AGBL1: variants seen among roughly 807,000 people sequenced by gnomAD.
The protein encoded by AGBL1 is cytosolic carboxypeptidase 4.
In AGBL1, 130 loss-of-function variants were observed where a neutral mutation model predicts 118.9. The observed-to-expected ratio is 1.09, with a 90% CI of 0.95 to 1.26. The LOEUF (loss-of-function observed/expected upper bound fraction) is 1.26, where lower values mean the gene tolerates loss of function less well. Among genes scored for constraint, AGBL1 ranks in the 50% most tolerant of loss-of-function variants. The pLI is 0.00. For missense variants in AGBL1, 1,584 were observed against 1,298.1 expected (o/e 1.22, Z -3.38); for synonymous variants, 555 against 478.9 (o/e 1.16, Z -2.08).
intron 18 of AGBL1, among the ~76,000 whole-genome samples, chr15:86,419,893 G>A (rs916783220): frequency 6.6e-6 from 1 of 152,180 alleles, no homozygotes; most frequent in Non-Finnish European, 1.5e-5. Context: ...CAAAGCTGCT[G>A]TAGCCAGACT....
At chr15:86,203,816 G>A (rs2077946182) in intron 5 of AGBL1, among the ~76,000 whole-genome samples, 1 of 152,068 alleles carries the variant, frequency 6.6e-6, no homozygotes, top group African/African-American at 2.4e-5. Flanking sequence ...ATGAATTTAT[G>A]TTACTATTTT....
At chr15:87,017,216 A>T (rs1033049888) in intron 24 of AGBL1, among the ~76,000 whole-genome samples, 3 of 151,816 alleles carry the variant, frequency 2.0e-5, no homozygotes, top group Admixed American at 2.0e-4. Context: ...CCAACTCTGG[A>T]GAGTCTGGAC....
chr15:86,670,561 G>T (rs1248145892), intron 21 of AGBL1, among the ~76,000 whole-genome samples: 1 of 150,192 alleles, frequency 6.7e-6, no homozygotes, highest in Non-Finnish European at 1.5e-5. Context: ...CTGAGATCGT[G>T]CCACTGCACT....
At chr15:86,474,877 C>A (rs749725752) in intron 18 of AGBL1, among the ~76,000 whole-genome samples, 4 of 152,186 alleles carry the variant, frequency 2.6e-5, no homozygotes, top group Non-Finnish European at 4.4e-5. Flanking sequence ...TGAGACGAAG[C>A]TTTCAGAGGA....
intron 1 of AGBL1, among the ~76,000 whole-genome samples, chr15:86,122,735 C>G (rs922706738): frequency 6.6e-6 from 1 of 152,218 alleles, no homozygotes; most frequent in Non-Finnish European, 1.5e-5. Context: ...CCTTAACCAA[C>G]TGAGTGGACC....
intron 21 of AGBL1, among the ~76,000 whole-genome samples, chr15:86,571,313 C>T (rs555743975): frequency 6.0e-4 from 92 of 152,264 alleles, no homozygotes; most frequent in Admixed American, 3.3e-4. Flanking sequence ...ATCTTTCAGC[C>T]TCACCATTCA....
intron 5 of AGBL1, among the ~76,000 whole-genome samples, chr15:86,167,197 C>T (rs2077353548): frequency 1.3e-5 from 2 of 151,276 alleles, no homozygotes; most frequent in Admixed American, 1.3e-4. Context: ...AGGAGGGACT[C>T]TTGTGGTTTC....
At chr15:86,871,469 T>G (rs1326465613) in intron 22 of AGBL1, among the ~76,000 whole-genome samples, 1 of 152,124 alleles carries the variant, frequency 6.6e-6, no homozygotes, top group Non-Finnish European at 1.5e-5. Flanking sequence ...AGAATCCCCT[T>G]CCCTCATTCT....
intron 22 of AGBL1, among the ~76,000 whole-genome samples, chr15:86,825,134 A>G (rs1181411102): frequency 1.3e-5 from 2 of 152,018 alleles, no homozygotes; most frequent in Non-Finnish European, 2.9e-5. Context: ...AATATATTCA[A>G]AAGTTGCAAA....
chr15:86,191,016 G>A (rs1455709474), intron 5 of AGBL1, among the ~76,000 whole-genome samples: 1 of 152,040 alleles, frequency 6.6e-6, no homozygotes, highest in Non-Finnish European at 1.5e-5. Flanking sequence ...ACAACAGAAT[G>A]AGCTGGTAAG....
intron 5 of AGBL1, among the ~76,000 whole-genome samples, chr15:86,170,795 G>A (rs1398307748): frequency 1.3e-5 from 2 of 151,046 alleles, no homozygotes; most frequent in East Asian, 1.9e-4. Context: ...GCAGTGAGCC[G>A]AGATCACACC....
At chr15:86,790,047 T>C (rs2078469504) in intron 22 of AGBL1, among the ~76,000 whole-genome samples, 1 of 152,172 alleles carries the variant, frequency 6.6e-6, no homozygotes, top group Admixed American at 6.5e-5. Flanking sequence ...TTGTTGTTAT[T>C]TGTAACATGA....
At chr15:86,479,231 T>G (rs1407201990) in intron 18 of AGBL1, among the ~76,000 whole-genome samples, 1 of 151,976 alleles carries the variant, frequency 6.6e-6, no homozygotes, top group Non-Finnish European at 1.5e-5. Flanking sequence ...AATTGACAAA[T>G]GAGATCTAAT....
At chr15:86,485,849 C>G (rs1179636740) in intron 18 of AGBL1, among the ~76,000 whole-genome samples, 2 of 152,122 alleles carry the variant, frequency 1.3e-5, no homozygotes, top group South Asian at 2.1e-4. Context: ...TTGACAAATC[C>G]TGGTCCAAAG....
At chr15:86,209,941 A>T (rs1331886263) in intron 5 of AGBL1, among the ~76,000 whole-genome samples, 1 of 152,178 alleles carries the variant, frequency 6.6e-6, no homozygotes, top group Non-Finnish European at 1.5e-5. Context: ...ATGTTTTTGC[A>T]GTGGCTGGAA....
intron 23 of AGBL1, among the ~76,000 whole-genome samples, chr15:86,924,269 T>A (rs899892986): frequency 2.6e-5 from 4 of 152,228 alleles, no homozygotes; most frequent in Non-Finnish European, 5.9e-5. Context: ...ATTGTGATCC[T>A]AATGGTACAA....
chr15:87,028,437 T>G (rs2081755700), intron 24 of AGBL1, among the ~76,000 whole-genome samples: 2 of 151,966 alleles, frequency 1.3e-5, no homozygotes, highest in Non-Finnish European at 2.9e-5. Context: ...TAAAGATTAA[T>G]TTCATGTGTA....
rs752300601 is a variant in AGBL1, at chr15:86,264,421, G to T, written c.1250G>T (p.Cys417Phe). The change falls in exon 11 of 23, where the codon TGC becomes TTC. Residue 417 changes from cysteine (C) to phenylalanine (F), a missense_variant. Coordinates refer to ENST00000614907, the MANE Select transcript of AGBL1 (RefSeq NM_001386094.1). ...REYAVQTSLL[C>F]RVKTGRSTVH... ...TATGCTGTCCAGACTTCCCTTCTGT[G>T]CAGGGTGAAGACGGGAAGGTCCACT... The T allele has an allele frequency of 1.9e-6, 3 of 1,613,858 alleles. No homozygotes were observed. The highest frequency in any genetic ancestry group is 1.3e-5 in the African/African-American group (1 of 74,922).
chr15:86,133,254 A>T (rs2076842329), intron 1 of AGBL1, among the ~76,000 whole-genome samples: 1 of 152,048 alleles, frequency 6.6e-6, no homozygotes, highest in African/African-American at 2.4e-5. Flanking sequence ...ATGTCCCTCA[A>T]CTTTGCCATA....
Sources: allele counts gnomAD v4.1 joint callset (sites outside exome capture counted in the v4.1 genomes callset), GRCh38; gene constraint gnomAD v4.1.1; transcripts MANE v1.5; gene names NCBI Gene and HGNC (gene_info 2026-07-23, HGNC 2026-07-21).